The following CYP39A1 variants were observed in gnomAD, a reference collection of about 807,000 sequenced individuals.
The protein encoded by CYP39A1 is cytochrome P450 family 39 subfamily A member 1, also known as 24-hydroxycholesterol 7-alpha-hydroxylase.
CYP39A1 carries 49 observed loss-of-function variants against 58.1 expected under a neutral mutation model. That is an observed-to-expected ratio of 0.84 (90% CI 0.67 to 1.07). The LOEUF is 1.07. Ranked by LOEUF, CYP39A1 falls within the 50% of genes least tolerant of loss-of-function variation. The pLI is 0.00. For missense variants in CYP39A1, 531 were observed against 539.4 expected, an observed-to-expected ratio of 0.98 and a Z score of 0.16; for synonymous variants, 209 against 187.6, an observed-to-expected ratio of 1.11 and a Z score of -0.93.
rs899274913 is a variant in CYP39A1 at position 46,583,342 on chromosome 6, T to C, written c.1250+3735A>G. On this transcript the variant is annotated intron_variant, in intron 10 of 11. Transcript: ENST00000275016. Reference sequence around the variant, plus strand: ...AATTAGAACCAAGGAAAATCAAGCTTGTTGGTTTTGGTGTGTGTTCCAGGG... The same window carrying C: ...AATTAGAACCAAGGAAAATCAAGCTCGTTGGTTTTGGTGTGTGTTCCAGGG... The C allele has an allele frequency of 8.1e-6, 8 of 985,284 alleles. No individual in the cohort carries two copies. In the African/African-American group the frequency reaches 1.4e-4, roughly 17 times the overall value. The allele number at this position is 985,284 out of a possible 1,614,324, so 61.0% of individuals were successfully genotyped here. A position where few individuals can be genotyped will look rare whatever the true frequency, so the allele number is the denominator to read the frequency against.
intron 1 of CYP39A1, among the ~76,000 whole-genome samples, chr6:46,646,961 T>C (rs1762367586): frequency 6.6e-6 from 1 of 152,066 alleles, no homozygotes; most frequent in African/African-American, 2.4e-5. Flanking sequence ...AGTCTGGCAA[T>C]GTTATTGGTC....
In CYP39A1 at chr6:46,616,185, TTCTTC is replaced by T. The variant is rs1561994094; in HGVS notation, c.931+9228_931+9232del. 2.2e-3 allele frequency among the ~76,000 whole-genome samples: 57 copies of T among 26,438 alleles called. 5 individuals carry two copies. The highest frequency in any genetic ancestry group is 3.8e-3 in the Non-Finnish European group (49 of 12,930). 17.3% of individuals were successfully genotyped at this position (26,438 alleles called of 152,430 possible). ...CTTTTTTCTTTCTTTCTTTCTTTCT[TTCTTC>T]TTTCCCTCCCTCCCTCCCTCCCTCC... On this transcript the variant is annotated intron_variant, in intron 7 of 11. Coordinates refer to ENST00000275016, the MANE Select transcript of CYP39A1 (RefSeq NM_016593.5).
rs192027001 is a variant in CYP39A1 at position 46,551,382 on chromosome 6, A to C, written c.1339-945T>G. 1.6e-3 allele frequency among the ~76,000 whole-genome samples: 238 copies of C among 151,806 alleles called. 1 individual carries two copies. The highest frequency in any genetic ancestry group is 5.5e-3 in the African/African-American group (230 of 41,474). The stretch of plus-strand genomic sequence containing the variant: ...CAAAAGTAAAATGAAAAAAAAAAAA[A>C]AACAACCATACAAAGAAATAAAAAC... On this transcript the variant is annotated intron_variant, in intron 11 of 11. Transcript: ENST00000275016.
intron 1 of CYP39A1, among the ~76,000 whole-genome samples, chr6:46,646,771 T>A (rs1015004569): frequency 6.6e-6 from 1 of 151,424 alleles, no homozygotes; most frequent in Non-Finnish European, 1.5e-5. Context: ...GTATTGTATA[T>A]TGGATAGTTT....
chr6:46,644,173 C>T (rs1354484832), intron 1 of CYP39A1, among the ~76,000 whole-genome samples: 1 of 152,198 alleles, frequency 6.6e-6, no homozygotes, highest in Non-Finnish European at 1.5e-5. Context: ...AACCACTAAT[C>T]TGTTCTCCAC....
Position 46,652,386 on chromosome 6 carries a change from C to T in CYP39A1, c.177+20G>A, listed in dbSNP as rs1166711411. On this transcript the variant is annotated intron_variant, in intron 1 of 11. Coordinates refer to ENST00000275016, the MANE Select transcript of CYP39A1 (RefSeq NM_016593.5). ...AAAGCATTGTCTCCTCTGGAGACCC[C>T]GTCTGCCACGACCACATACCTTGAT... 3 of 1,596,992 alleles carry T rather than the reference C, an allele frequency of 1.9e-6. No individual in the cohort carries two copies. The highest frequency in any genetic ancestry group is 2.6e-6 in the Non-Finnish European group (3 of 1,173,318).
rs535960871 is a variant in CYP39A1, at chr6:46,571,855, T to C, written c.1250+15222A>G. ...CTGATATGATTCGTTTTTGTAGTGG[T>C]ATACTTTAATTCATTTCTCTTTATC... is the stretch of plus-strand genomic sequence containing the variant. On this transcript the variant is annotated intron_variant, in intron 10 of 11. Coordinates refer to ENST00000275016, the MANE Select transcript of CYP39A1 (RefSeq NM_016593.5). 4.0e-4 allele frequency among the ~76,000 whole-genome samples: 61 copies of C among 152,232 alleles called. 1 individual carries two copies. The South Asian group carries it at 0.013, about 32-fold the overall frequency.
intron 1 of CYP39A1, among the ~76,000 whole-genome samples, chr6:46,647,182 T>A (rs1409182553): frequency 6.6e-6 from 1 of 152,092 alleles, no homozygotes; most frequent in East Asian, 1.9e-4. Context: ...AATTATGACA[T>A]GTTGTATTTT....
intron 10 of CYP39A1, among the ~76,000 whole-genome samples, chr6:46,556,271 G>T (rs1056191810): frequency 3.3e-5 from 5 of 152,188 alleles, no homozygotes; most frequent in African/African-American, 9.7e-5. Context: ...AGGCCACAGT[G>T]CAAGGACAGA....
At chr6:46,574,161 T>C (rs948570719) in intron 10 of CYP39A1, among the ~76,000 whole-genome samples, 11 of 152,194 alleles carry the variant, frequency 7.2e-5, no homozygotes, top group Non-Finnish European at 1.6e-4. Flanking sequence ...CAGCATAATA[T>C]TGTCTGCTTT....
intron 7 of CYP39A1, among the ~76,000 whole-genome samples, chr6:46,623,974 T>G (rs1204756756): frequency 6.7e-6 from 1 of 149,648 alleles, no homozygotes; most frequent in Non-Finnish European, 1.5e-5. Context: ...GTAGTACTAT[T>G]CGAAGGAGCA....
At chr6:46,619,568 A>G (rs1159845144) in intron 7 of CYP39A1, among the ~76,000 whole-genome samples, 1 of 152,108 alleles carries the variant, frequency 6.6e-6, no homozygotes. Flanking sequence ...GGGTAAGACT[A>G]AAATATCTAT....
intron 8 of CYP39A1, among the ~76,000 whole-genome samples, chr6:46,592,752 T>A (rs1772916709): frequency 6.6e-6 from 1 of 152,116 alleles, no homozygotes; most frequent in Admixed American, 6.5e-5. Context: ...GGTCAGGAGT[T>A]CCAGACCAGT....
At chr6:46,625,992 A>G (rs1344451022) in intron 6 of CYP39A1, among the ~76,000 whole-genome samples, 1 of 152,142 alleles carries the variant, frequency 6.6e-6, no homozygotes, top group Non-Finnish European at 1.5e-5. Flanking sequence ...AGGAAAATGC[A>G]GCAGGAAACC....
intron 9 of CYP39A1, 112 bp from the exon 10 acceptor site, chr6:46,587,277 C>G (rs1297548413): frequency 5.4e-6 from 4 of 739,124 alleles, no homozygotes; most frequent in Non-Finnish European, 9.5e-6. Context: ...TATAAAGTTG[C>G]AGGGTTGTTG....
At position 46,642,225 on chromosome 6, in the gene CYP39A1, A is replaced by C; in HGVS notation, c.251T>G (p.Val84Gly). 6.2e-7 allele frequency: 1 copy of C among 1,612,918 alleles called. No homozygotes were observed. Among genetic ancestry groups the C allele is most frequent in the South Asian group, 1.1e-5 (1 of 91,040 alleles). ...ATCTACTTTTTTGGATTTTAGAAAC[A>C]CATTAATTCCTTCTTCTTCAGTAAC... ...TFVTEEEGIN[V>G]FLKSKKVDFE... is the part of the protein sequence containing the mutation. The change falls in exon 2 of 12, where the codon GTG becomes GGG. Residue 84 changes from valine to glycine, a missense_variant. Physicochemically the swap from Val to Gly is moderately radical, Grantham distance 109. Transcript: ENST00000275016.
chr6:46,565,053 G>A (rs931594889), intron 10 of CYP39A1, among the ~76,000 whole-genome samples: 7 of 152,106 alleles, frequency 4.6e-5, no homozygotes, highest in African/African-American at 1.4e-4. Context: ...ATCATCTGGA[G>A]GGCTTGTTAA....
At chr6:46,604,178 A>G (rs1773691082) in intron 7 of CYP39A1, among the ~76,000 whole-genome samples, 1 of 152,202 alleles carries the variant, frequency 6.6e-6, no homozygotes, top group Non-Finnish European at 1.5e-5. Context: ...GGCACATGAG[A>G]GCAAATGTTA....
At chr6:46,622,625 A>C (rs911060438) in intron 7 of CYP39A1, among the ~76,000 whole-genome samples, 2 of 149,454 alleles carry the variant, frequency 1.3e-5, no homozygotes, top group African/African-American at 5.1e-5. Context: ...TAAATTAAAA[A>C]GTGTGCAATT....
Sources: allele counts gnomAD v4.1 joint callset (sites outside exome capture counted in the v4.1 genomes callset), GRCh38; gene constraint gnomAD v4.1.1; transcripts MANE v1.5; gene names NCBI Gene and HGNC (gene_info 2026-07-23, HGNC 2026-07-21).